The following UQCC1 variants were observed in gnomAD, a reference collection of about 807,000 sequenced individuals.
The protein encoded by UQCC1 is ubiquinol-cytochrome c reductase complex assembly factor 1.
In UQCC1, 38 loss-of-function variants were observed where a neutral mutation model predicts 48.0. That is an observed-to-expected ratio of 0.79 (90% CI 0.61 to 1.04). The LOEUF is 1.04. Ranked by LOEUF, UQCC1 falls within the 50% of genes least tolerant of loss-of-function variation. UQCC1 has a pLI of 0.00. For synonymous variants in UQCC1, 111 were observed against 129.2 expected (o/e 0.86, Z 0.95); for missense variants, 368 against 381.8 (o/e 0.96, Z 0.30).
chr20:35,410,716 A>AAAAAAAAAAAAAC (rs1370852913), intron 1 of UQCC1, among the ~76,000 whole-genome samples: 1 of 108,764 alleles, frequency 9.2e-6, no homozygotes, highest in African/African-American at 3.9e-5. Flanking sequence ...AAAAAAAAAA[A>AAAAAAAAAAAAAC]AAAAAAAACA....
chr20:35,317,431 A>G (rs1157008277), intron 7 of UQCC1, among the ~76,000 whole-genome samples: 9 of 152,248 alleles, frequency 5.9e-5, no homozygotes, highest in Non-Finnish European at 1.5e-5. Context: ...AGCCATGGAT[A>G]ATTTTCAAAA....
At chr20:35,402,980 T>C (rs776998214) in intron 1 of UQCC1, among the ~76,000 whole-genome samples, 7 of 151,768 alleles carry the variant, frequency 4.6e-5, no homozygotes, top group Admixed American at 1.3e-4. Context: ...GGCAGGAGAA[T>C]TGCTTGAACC....
In UQCC1 at chr20:35,306,672, C is replaced by G. The variant is rs373717169; in HGVS notation, c.759G>C (p.Arg253Ser). ...GAGGGAAAGGGTCACTCACCTGTTT[C>G]CTCACATACTCTACCAGCAATTCAA... ...RHLELLVEYV[R>S]KQIQYLDSMN... The change falls in exon 9 of 10, where the codon AGG becomes AGC. Residue 253 changes from arginine (R) to serine (S), a missense_variant. By Grantham distance (110) the Arg-to-Ser change is moderately radical. Transcript: ENST00000374385. 6.8e-6 allele frequency: 11 copies of G among 1,613,394 alleles called. No homozygotes were observed. In the African/African-American group the frequency reaches 1.2e-4, roughly 18 times the overall value.
intron 1 of UQCC1, among the ~76,000 whole-genome samples, chr20:35,410,704 C>CAAA (rs1183843739): frequency 0.14 from 384 of 2,710 alleles, 93 homozygotes; most frequent in Admixed American, 0.4. Context: ...GACTCTGCCT[C>CAAA]AAAAAAAAAA....
At chr20:35,403,752 T>A (rs2062204376) in intron 1 of UQCC1, among the ~76,000 whole-genome samples, 2 of 152,126 alleles carry the variant, frequency 1.3e-5, no homozygotes, top group Admixed American at 6.5e-5. Flanking sequence ...TGAGTTCATA[T>A]CCTTTGTAGG....
chr20:35,359,145 T>C (rs1330877762), intron 6 of UQCC1, among the ~76,000 whole-genome samples: 2 of 152,000 alleles, frequency 1.3e-5, no homozygotes, highest in Non-Finnish European at 2.9e-5. Flanking sequence ...TTATAGAAAA[T>C]AATAATAATG....
At chr20:35,388,573 C>T (rs6060392) in intron 2 of UQCC1, among the ~76,000 whole-genome samples, 11 of 152,142 alleles carry the variant, frequency 7.2e-5, no homozygotes, top group African/African-American at 1.7e-4. Context: ...CCACTGTGCC[C>T]GGACTATTTT....
chr20:35,311,200 G>A (rs1483585409), intron 8 of UQCC1, among the ~76,000 whole-genome samples: 2 of 152,072 alleles, frequency 1.3e-5, no homozygotes, highest in African/African-American at 2.4e-5. Context: ...GAGAGCACAA[G>A]AAATATAAAG....
intron 2 of UQCC1, 67 bp downstream of exon 2, chr20:35,394,025 T>C: frequency 6.7e-7 from 1 of 1,490,998 alleles, no homozygotes; most frequent in Non-Finnish European, 9.3e-7. Context: ...GGCTAATCTA[T>C]AAATACATGA....
chr20:35,323,204 G>A (rs2061151892), intron 7 of UQCC1, among the ~76,000 whole-genome samples: 2 of 152,138 alleles, frequency 1.3e-5, no homozygotes, highest in Admixed American at 1.3e-4. Flanking sequence ...AGTCATATGA[G>A]AAATGGAAGA....
At chr20:35,394,710 T>C (rs1027627423) in intron 1 of UQCC1, among the ~76,000 whole-genome samples, 8 of 152,202 alleles carry the variant, frequency 5.3e-5, no homozygotes, top group African/African-American at 1.9e-4. Context: ...GGGGTCTCCA[T>C]ACCAAGCAAT....
chr20:35,374,962 A>T (rs1049079530), intron 4 of UQCC1, among the ~76,000 whole-genome samples: 1 of 152,164 alleles, frequency 6.6e-6, no homozygotes, highest in African/African-American at 2.4e-5. Context: ...ATAAAAATAA[A>T]TCTAAAAATA....
At chr20:35,394,234 T>A in intron 1 of UQCC1, 38 bp from the exon 2 acceptor site, 2 of 1,541,570 alleles carry the variant, frequency 1.3e-6, no homozygotes, top group South Asian at 2.2e-5. Flanking sequence ...GGAATCTAAA[T>A]CATACTCCCT....
chr20:35,341,297 A>T (rs567394010), intron 7 of UQCC1, among the ~76,000 whole-genome samples: 1 of 152,264 alleles, frequency 6.6e-6, no homozygotes, highest in East Asian at 1.9e-4. Context: ...TGGGGTTTTT[A>T]AAAAATCAAG....
chr20:35,377,852 A>G (rs1199746320), intron 4 of UQCC1, among the ~76,000 whole-genome samples: 1 of 152,176 alleles, frequency 6.6e-6, no homozygotes, highest in East Asian at 1.9e-4. Flanking sequence ...AACAATGAAG[A>G]CTTCACCAGA....
chr20:35,344,635 A>G (rs1216716012), intron 7 of UQCC1: 1 of 152,276 alleles, frequency 6.6e-6, no homozygotes, highest in East Asian at 1.9e-4. Context: ...ACTTGAGGGC[A>G]TGTGGGAACA....
intron 6 of UQCC1, among the ~76,000 whole-genome samples, chr20:35,360,468 C>T (rs1292575173): frequency 6.6e-6 from 1 of 152,204 alleles, no homozygotes; most frequent in Non-Finnish European, 1.5e-5. Flanking sequence ...TTCCCTTCAG[C>T]TTATGAAATC....
intron 2 of UQCC1, among the ~76,000 whole-genome samples, chr20:35,390,013 G>A (rs2061993893): frequency 6.6e-6 from 1 of 152,190 alleles, no homozygotes; most frequent in African/African-American, 2.4e-5. Flanking sequence ...ATCCTGTCAT[G>A]TGCTACAACA....
intron 1 of UQCC1, among the ~76,000 whole-genome samples, chr20:35,404,103 C>T (rs890710223): frequency 4.6e-5 from 7 of 151,988 alleles, no homozygotes; most frequent in African/African-American, 1.4e-4. Context: ...CAGGCGTGGC[C>T]GGGCGCAGTG....
Sources: gnomAD v4.1 joint callset for allele counts (sites outside exome capture counted in the v4.1 genomes callset) on GRCh38, gnomAD v4.1.1 for gene constraint, MANE v1.5 for transcripts, NCBI Gene and HGNC (gene_info 2026-07-23, HGNC 2026-07-21) for gene names.